The following LRRIQ1 variants were observed in gnomAD, a reference collection of about 807,000 sequenced individuals.
The protein encoded by LRRIQ1 is leucine-rich repeat- and IQ domain-containing protein 1.
A neutral mutation model predicts 211.9 loss-of-function variants in LRRIQ1; 210 were observed. The observed-to-expected ratio is 0.99, with a 90% CI of 0.89 to 1.11. The LOEUF (loss-of-function observed/expected upper bound fraction) is 1.11, where lower values mean the gene tolerates loss of function less well. LRRIQ1 is among the 50% of genes most tolerant of loss of function. The probability of loss-of-function intolerance (pLI) is 0.00; values close to 1 mark genes in which losing one functional copy is unlikely to be tolerated. For synonymous variants in LRRIQ1, 699 were observed against 650.1 expected, an observed-to-expected ratio of 1.08 and a Z score of -1.14; for missense variants, 2,136 against 1,939.5, an observed-to-expected ratio of 1.10 and a Z score of -1.90.
chr12:85,175,514 T>A (rs1302908567), intron 24 of LRRIQ1, among the ~76,000 whole-genome samples: 1 of 152,136 alleles, frequency 6.6e-6, no homozygotes, highest in Non-Finnish European at 1.5e-5. Context: ...TTCTATATGG[T>A]TAAATCTAAA....
Position 85,127,851 on chromosome 12 carries a change from C to T in LRRIQ1, c.4027C>T (p.Gln1343Ter). The change falls in exon 18 of 27, where the codon CAG (glutamine) becomes TAG (stop). Residue 1343 changes from glutamine (Q) to a stop codon, truncating the protein, a stop_gained. Coordinates refer to ENST00000393217, the MANE Select transcript of LRRIQ1 (RefSeq NM_001079910.2). LOFTEE classifies it high-confidence loss of function. ...TAATAGTATGGCAGCTGTGGTAATC[C>T]AGTCATACTGGCGTGGTTACCTCAT... ...SEKIMAAVVIQSYWRGYLMRR... is the reference protein window; with the variant it reads ...SEKIMAAVVI The T allele has an allele frequency of 6.2e-7, 1 of 1,613,718 alleles. No individual in the cohort carries two copies. The highest frequency in any genetic ancestry group is 8.5e-7 in the Non-Finnish European group (1 of 1,179,922).
At chr12:85,072,790 T>C in intron 10 of LRRIQ1, 117 bp from the exon 11 acceptor site, 2 of 591,936 alleles carry the variant, frequency 3.4e-6, no homozygotes, top group Non-Finnish European at 5.5e-6. Flanking sequence ...TTATACAGTA[T>C]AGATTTAGGT....
downstream of LRRIQ1, among the ~76,000 whole-genome samples, chr12:85,248,623 T>G (rs1895805542): frequency 6.6e-6 from 1 of 151,680 alleles, no homozygotes; most frequent in Non-Finnish European, 1.5e-5. Context: ...TTTGGTTATA[T>G]CTAAACTTAT....
At chr12:85,040,152 T>G (rs1358753972) in intron 2 of LRRIQ1, among the ~76,000 whole-genome samples, 1 of 151,630 alleles carries the variant, frequency 6.6e-6, no homozygotes, top group Non-Finnish European at 1.5e-5. Flanking sequence ...GATTAATATT[T>G]GATAATATTT....
intron 10 of LRRIQ1, among the ~76,000 whole-genome samples, chr12:85,069,669 A>G (rs1882855371): frequency 6.6e-6 from 1 of 151,896 alleles, no homozygotes; most frequent in Non-Finnish European, 1.5e-5. Context: ...TGTGATTTTG[A>G]TTTGCATTTC....
At chr12:85,041,255 A>C (rs1355329671) in intron 3 of LRRIQ1, among the ~76,000 whole-genome samples, 1 of 151,844 alleles carries the variant, frequency 6.6e-6, no homozygotes, top group Non-Finnish European at 1.5e-5. Flanking sequence ...TCATTCAATA[A>C]ATATTGCTTT....
intron 8 of LRRIQ1, 39 bp downstream of exon 8, chr12:85,057,223 C>A: frequency 7.9e-7 from 1 of 1,270,152 alleles, no homozygotes; most frequent in Non-Finnish European, 1.1e-6. Flanking sequence ...CATTTAATTA[C>A]AATTAGCTCT....
At chr12:85,115,723 C>A (rs1317398173) in intron 15 of LRRIQ1, among the ~76,000 whole-genome samples, 1 of 152,042 alleles carries the variant, frequency 6.6e-6, no homozygotes, top group Non-Finnish European at 1.5e-5. Context: ...TCCATCTGAA[C>A]AACTTTTGTG....
chr12:85,121,778 A>C lies in LRRIQ1; in HGVS notation c.3459A>C (p.Glu1153Asp), dbSNP rs1452207416. The C allele has an allele frequency of 6.2e-7, 1 of 1,610,182 alleles. No homozygotes were observed. The highest frequency in any genetic ancestry group is 1.1e-5 in the South Asian group (1 of 90,324). ...ILNSNSESRT[E>D]EHNQLGSAGF... ...ACTCTAATTCAGAAAGCCGCACTGA[A>C]GAACACAATCAACTGGGATCAGCAG... Residue 1153 changes from glutamate to aspartate, a missense_variant, in exon 16 of 27, where the codon GAA becomes GAC. By Grantham distance (45) the Glu-to-Asp change is conservative (BLOSUM62 2). Transcript: ENST00000393217.
At chr12:85,188,133 G>A (rs186049685) in intron 24 of LRRIQ1, among the ~76,000 whole-genome samples, 2 of 150,120 alleles carry the variant, frequency 1.3e-5, no homozygotes, top group African/African-American at 5.0e-5. Context: ...CTGGCACATA[G>A]TAAGCACTCA....
chr12:85,058,611 C>G (rs1451511172), intron 8 of LRRIQ1, among the ~76,000 whole-genome samples: 1 of 151,958 alleles, frequency 6.6e-6, no homozygotes, highest in Non-Finnish European at 1.5e-5. Flanking sequence ...GCCTCTTTCT[C>G]CTTGGCATTT....
chr12:85,272,364 A>G, the LRRIQ1 span, among the ~76,000 whole-genome samples: 3 of 152,216 alleles, frequency 2.0e-5, no homozygotes, highest in African/African-American at 7.2e-5. Flanking sequence ...CAATTCAATT[A>G]TTAAGCAATT....
At chr12:85,259,440 A>C (rs1455607967) in intron 1 of LRRIQ1, among the ~76,000 whole-genome samples, 2 of 152,102 alleles carry the variant, frequency 1.3e-5, no homozygotes, top group Non-Finnish European at 2.9e-5. Flanking sequence ...AATGAATGCC[A>C]ATATGTGATT....
chr12:85,052,642 TAG>T (rs1488032531), intron 7 of LRRIQ1, among the ~76,000 whole-genome samples: 4 of 152,266 alleles, frequency 2.6e-5, no homozygotes, highest in South Asian at 2.1e-4. Flanking sequence ...TTATTTACTC[TAG>T]AGTTTTCATA....
At chr12:85,235,810 G>T (rs182252032) in intron 26 of LRRIQ1, among the ~76,000 whole-genome samples, 262 of 152,246 alleles carry the variant, frequency 1.7e-3, no homozygotes, top group African/African-American at 6.2e-3. Flanking sequence ...ATATTACAAT[G>T]GTTGTTGCAA....
At chr12:85,070,952 A>G (rs1322743129) in intron 10 of LRRIQ1, among the ~76,000 whole-genome samples, 3 of 151,974 alleles carry the variant, frequency 2.0e-5, no homozygotes, top group African/African-American at 7.2e-5. Context: ...TTAAAATAGT[A>G]TGTTATAAAA....
Position 85,161,741 on chromosome 12 carries a change from G to A in LRRIQ1, c.4822+1027G>A, listed in dbSNP as rs150706348. On this transcript the variant is annotated intron_variant, in intron 24 of 26. Transcript: ENST00000393217. ...GAAGTCATGGAGTCTAGAATTTTCC[G>A]TAAAGTAGATAGCAATAGTCTGGGC... Among the ~76,000 whole-genome samples, 259 of 152,160 alleles carry A rather than the reference G, an allele frequency of 1.7e-3. 1 individual carries two copies. Among genetic ancestry groups the A allele is most frequent in the African/African-American group, 6.0e-3 (250 of 41,526 alleles).
At chr12:85,051,653 G>A (rs1280691123) in intron 6 of LRRIQ1, among the ~76,000 whole-genome samples, 2 of 152,096 alleles carry the variant, frequency 1.3e-5, no homozygotes, top group Admixed American at 6.6e-5. Context: ...TTTGGGTAAT[G>A]TGTAAATTTA....
chr12:85,058,407 C>T (rs1284166736), intron 8 of LRRIQ1, among the ~76,000 whole-genome samples: 2 of 152,002 alleles, frequency 1.3e-5, no homozygotes, highest in Non-Finnish European at 2.9e-5. Flanking sequence ...TTGCTGCAGG[C>T]CTTCCAATAT....
Sources: allele counts gnomAD v4.1 joint callset (sites outside exome capture counted in the v4.1 genomes callset), GRCh38; gene constraint gnomAD v4.1.1; transcripts MANE v1.5; gene names NCBI Gene and HGNC (gene_info 2026-07-23, HGNC 2026-07-21).